Variants in CYP4X1 observed in about 807,000 individuals in gnomAD.
CYP4X1 encodes the protein cytochrome P450 4X1.
A neutral mutation model predicts 57.9 loss-of-function variants in CYP4X1; 44 were observed. The ratio of observed to expected loss-of-function variants is 0.76; its 90% CI spans 0.60 to 0.98. The LOEUF is 0.98. Among genes scored for constraint, CYP4X1 ranks in the 50% least tolerant of loss-of-function variants. The pLI is 0.00. For missense variants in CYP4X1, 532 were observed against 623.9 expected, an observed-to-expected ratio of 0.85 and a Z score of 1.57; for synonymous variants, 227 against 228.6, an observed-to-expected ratio of 0.99 and a Z score of 0.06.
intron 7 of CYP4X1, among the ~76,000 whole-genome samples, chr1:47,038,976 C>A (rs781347381): frequency 1.3e-5 from 2 of 152,044 alleles, no homozygotes; most frequent in Non-Finnish European, 2.9e-5. Flanking sequence ...ACTAAACGAA[C>A]GATTTGACAA....
chr1:47,015,525 C>CT, the CYP4X1 span, among the ~76,000 whole-genome samples: 1 of 152,316 alleles, frequency 6.6e-6, no homozygotes. Context: ...TTCTCTTATG[C>CT]TTATGTGCTT....
chr1:47,024,704 G>A (rs1017916057), intron 1 of CYP4X1, among the ~76,000 whole-genome samples: 2 of 152,150 alleles, frequency 1.3e-5, no homozygotes, highest in African/African-American at 4.8e-5. Flanking sequence ...AAAATTTAAG[G>A]CAATGGGTGC....
At chr1:46,985,861 G>A in the CYP4X1 span, among the ~76,000 whole-genome samples, 808 of 152,300 alleles carry the variant, frequency 5.3e-3, 7 homozygotes, top group African/African-American at 0.019. Context: ...AACTCCATCC[G>A]AAGATCACCA....
At chr1:47,048,964 A>G (rs1165804582) in intron 10 of CYP4X1, among the ~76,000 whole-genome samples, 1 of 152,254 alleles carries the variant, frequency 6.6e-6, no homozygotes, top group Non-Finnish European at 1.5e-5. Context: ...ATGTATCTCC[A>G]TAGTGAAAAT....
At chr1:46,977,961 A>C in the CYP4X1 span, among the ~76,000 whole-genome samples, 1 of 152,150 alleles carries the variant, frequency 6.6e-6, no homozygotes, top group Admixed American at 6.5e-5. Context: ...GCCTTACAAG[A>C]GCTCCTGAAG....
chr1:47,001,721 T>C, the CYP4X1 span, among the ~76,000 whole-genome samples: 1 of 152,268 alleles, frequency 6.6e-6, no homozygotes, highest in African/African-American at 2.4e-5. Context: ...CTGGACTTTC[T>C]GGATCCCTGC....
the CYP4X1 span, chr1:46,967,707 G>T: frequency 2.1e-6 from 2 of 955,310 alleles, no homozygotes; most frequent in Non-Finnish European, 2.9e-6. Flanking sequence ...AATGGTTAGG[G>T]ACCCTCCTGA....
the CYP4X1 span, among the ~76,000 whole-genome samples, chr1:47,015,851 G>A: frequency 2.1e-4 from 32 of 151,996 alleles, no homozygotes; most frequent in Admixed American, 5.2e-4. Context: ...CAGCCTCCCC[G>A]GCCACGTGTT....
At position 47,029,983 on chromosome 1, in the gene CYP4X1, A is replaced by C. The variant is rs1644108263; in HGVS notation, c.178-7A>C. 2 of 1,613,144 alleles carry C rather than the reference A, an allele frequency of 1.2e-6. No homozygotes were observed. The highest frequency in any genetic ancestry group is 1.7e-6 in the Non-Finnish European group (2 of 1,179,540). On this transcript the variant is annotated splice_region_variant and splice_polypyrimidine_tract_variant and intron_variant, in intron 1 of 11. Coordinates refer to ENST00000371901, the MANE Select transcript of CYP4X1 (RefSeq NM_178033.2). ...CTGGCTAATTACTTTTACTTTTTTCACTGCAGTTTATTCAGGATGATAACA... is the reference window on the plus strand; with the variant it reads ...CTGGCTAATTACTTTTACTTTTTTCCCTGCAGTTTATTCAGGATGATAACA...
chr1:46,987,485 A>G, the CYP4X1 span, among the ~76,000 whole-genome samples: 178 of 152,230 alleles, frequency 1.2e-3, no homozygotes, highest in Middle Eastern at 6.8e-3. Context: ...CTAGACAGAA[A>G]ATTAGCAAGG....
At chr1:47,040,668 A>G (rs1300587288) in intron 8 of CYP4X1, among the ~76,000 whole-genome samples, 1 of 152,076 alleles carries the variant, frequency 6.6e-6, no homozygotes, top group Admixed American at 6.6e-5. Flanking sequence ...GTGCATATAC[A>G]TGTTATATAT....
At chr1:47,001,940 T>C in the CYP4X1 span, among the ~76,000 whole-genome samples, 1 of 152,236 alleles carries the variant, frequency 6.6e-6, no homozygotes, top group Non-Finnish European at 1.5e-5. Context: ...GCCTTCTGCA[T>C]CGTCAAGGCT....
chr1:47,025,186 C>T (rs1348946521), intron 1 of CYP4X1, among the ~76,000 whole-genome samples: 2 of 152,098 alleles, frequency 1.3e-5, no homozygotes, highest in Middle Eastern at 3.2e-3. Context: ...CCCTCTTCAA[C>T]CCCCAGAACT....
chr1:47,032,757 G>A (rs1228880716), intron 3 of CYP4X1, among the ~76,000 whole-genome samples: 2 of 152,120 alleles, frequency 1.3e-5, no homozygotes, highest in Non-Finnish European at 2.9e-5. Context: ...TATAGTTTAT[G>A]GATTGGTTTG....
chr1:46,971,009 G>A, the CYP4X1 span, among the ~76,000 whole-genome samples: 1 of 152,176 alleles, frequency 6.6e-6, no homozygotes, highest in Admixed American at 6.5e-5. Context: ...GGGGTTTGCT[G>A]TACAGATTAT....
At chr1:47,046,424 C>T (rs768547554) in intron 8 of CYP4X1, 43 bp from the exon 9 acceptor site, 1 of 1,602,702 alleles carries the variant, frequency 6.2e-7, no homozygotes, top group Non-Finnish European at 8.5e-7. Flanking sequence ...AAAAAGTAAA[C>T]TGGTTATGAT....
chr1:47,009,492 T>A, the CYP4X1 span, among the ~76,000 whole-genome samples: 1 of 151,832 alleles, frequency 6.6e-6, no homozygotes, highest in African/African-American at 2.4e-5. Flanking sequence ...AACATCACAA[T>A]TAAAAGAACT....
At chr1:46,977,628 A>G in the CYP4X1 span, among the ~76,000 whole-genome samples, 1 of 152,030 alleles carries the variant, frequency 6.6e-6, no homozygotes, top group African/African-American at 2.4e-5. Context: ...ACAGAGACCA[A>G]CAAAAAGATA....
At chr1:46,980,403 A>G in the CYP4X1 span, among the ~76,000 whole-genome samples, 1 of 152,210 alleles carries the variant, frequency 6.6e-6, no homozygotes. Context: ...TAAAATACCT[A>G]GGAATCCAAC....
Sources: allele counts gnomAD v4.1 joint callset (sites outside exome capture counted in the v4.1 genomes callset), GRCh38; gene constraint gnomAD v4.1.1; transcripts MANE v1.5; gene names NCBI Gene and HGNC (gene_info 2026-07-23, HGNC 2026-07-21).